The following COBLL1 variants were observed in gnomAD, a reference collection of about 807,000 sequenced individuals.
The protein encoded by COBLL1 is cordon-bleu WH2 repeat protein like 1.
In COBLL1, 50 loss-of-function variants were observed where a neutral mutation model predicts 94.8. The ratio of observed to expected loss-of-function variants is 0.53; its 90% CI spans 0.42 to 0.67. The LOEUF is 0.67. Ranked by LOEUF, COBLL1 falls within the 30% of genes least tolerant of loss-of-function variation. The pLI is 0.00. For missense variants in COBLL1, 1,362 were observed against 1,348.7 expected, an observed-to-expected ratio of 1.01 and a Z score of -0.15; for synonymous variants, 448 against 473.8, an observed-to-expected ratio of 0.95 and a Z score of 0.71.
chr2:164,842,039 C>A (rs1312452429), upstream of COBLL1: 2 of 1,533,384 alleles, frequency 1.3e-6, no homozygotes, highest in South Asian at 2.4e-5. Context: ...ACCAGCTCGG[C>A]GGCATTGGAG....
intron 1 of COBLL1, among the ~76,000 whole-genome samples, chr2:164,666,810 C>T (rs1474623026): frequency 1.3e-5 from 2 of 152,214 alleles, no homozygotes; most frequent in Admixed American, 6.5e-5. Context: ...GGCTCCACTT[C>T]TAATTCTAGC....
At chr2:164,709,207 T>C (rs1213941496) in intron 7 of COBLL1, among the ~76,000 whole-genome samples, 1 of 152,212 alleles carries the variant, frequency 6.6e-6, no homozygotes, top group Admixed American at 6.5e-5. Context: ...AACAGACATA[T>C]TTCAGTTTTA....
chr2:164,724,862 A>G (rs1298219894), intron 5 of COBLL1: 1 of 151,980 alleles, frequency 6.6e-6, no homozygotes, highest in Non-Finnish European at 1.5e-5. Context: ...AAGGAAAACT[A>G]TTTTACAAAG....
chr2:164,817,554 C>T (rs1248475827), intron 2 of COBLL1, among the ~76,000 whole-genome samples: 1 of 152,134 alleles, frequency 6.6e-6, no homozygotes, highest in Admixed American at 6.5e-5. Flanking sequence ...TCCTCAATCT[C>T]CAACATTTAT....
chr2:164,717,720 ATTTAT>A (rs1018837107), intron 7 of COBLL1, among the ~76,000 whole-genome samples: 2 of 151,978 alleles, frequency 1.3e-5, no homozygotes, highest in African/African-American at 4.8e-5. Context: ...TGCCTGGCTG[ATTTAT>A]TTTATTTTAT....
intron 3 of COBLL1, among the ~76,000 whole-genome samples, chr2:164,739,330 G>A (rs1026004067): frequency 2.6e-5 from 4 of 152,100 alleles, no homozygotes; most frequent in South Asian, 4.2e-4. Flanking sequence ...AAACAAGTGC[G>A]TTCTTCTGAA....
intron 12 of COBLL1, among the ~76,000 whole-genome samples, chr2:164,693,763 A>G (rs1683741935): frequency 6.6e-6 from 1 of 152,168 alleles, no homozygotes; most frequent in African/African-American, 2.4e-5. Flanking sequence ...TTTATATGTG[A>G]AAATGTACAA....
chr2:164,742,516 G>A (rs548860371), intron 3 of COBLL1, among the ~76,000 whole-genome samples: 16 of 152,042 alleles, frequency 1.1e-4, no homozygotes, highest in African/African-American at 3.6e-4. Context: ...TCACACATAC[G>A]AGGCCATCCA....
At chr2:164,667,485 G>C (rs564052884) in intron 1 of COBLL1, among the ~76,000 whole-genome samples, 1 of 152,188 alleles carries the variant, frequency 6.6e-6, no homozygotes, top group Non-Finnish European at 1.5e-5. Context: ...TCTTCCAAGA[G>C]AAGGCTGTTT....
At chr2:164,775,689 A>G (rs2105261990) in intron 2 of COBLL1, among the ~76,000 whole-genome samples, 1 of 152,206 alleles carries the variant, frequency 6.6e-6, no homozygotes, top group Admixed American at 6.5e-5. Flanking sequence ...CCTGACCTCA[A>G]GTGATCTGCC....
At position 164,739,500 on chromosome 2, in the gene COBLL1, T is replaced by C. The variant is rs557963049; in HGVS notation, c.230+4187A>G. ...CTGAGGCATATAAGTTTCTGAAATC[T>C]GTACTTCCGTCAAACATTGATAGTA... is the stretch of plus-strand genomic sequence containing the variant. On this transcript the variant is annotated intron_variant, in intron 3 of 13. Coordinates refer to ENST00000652658, the MANE Select transcript of COBLL1 (RefSeq NM_001365672.2). 8.5e-5 allele frequency among the ~76,000 whole-genome samples: 13 copies of C among 152,364 alleles called. No individual in the cohort carries two copies. In the South Asian group the frequency reaches 2.7e-3, roughly 32 times the overall value.
rs1684129226 is a variant in COBLL1 at position 164,699,457 on chromosome 2, C to A, written c.1503G>T (p.Lys501Asn). The part of the protein sequence containing the change: ...SVVYDTSNGK[K>N]VVDSIRNLKS... ...TCAAGTTTCTTATACTGTCAACTAC[C>A]TTCTTTCCATTGCTTGTATCATATA... The change falls in exon 11 of 14, where the codon AAG becomes AAT. Residue 501 changes from lysine (K) to asparagine (N), a missense_variant. Transcript: ENST00000652658. The A allele has an allele frequency of 6.2e-7, 1 of 1,612,370 alleles. No individual in the cohort carries two copies. Among genetic ancestry groups the A allele is most frequent in the African/African-American group, 1.3e-5 (1 of 74,856 alleles).
At chr2:164,722,003 G>A in intron 7 of COBLL1, 72 bp downstream of exon 7, 1 of 1,147,926 alleles carries the variant, frequency 8.7e-7, no homozygotes, top group South Asian at 1.5e-5. Flanking sequence ...TAGAAAAGAT[G>A]TTAGGTAAGA....
chr2:164,735,002 C>T (rs1287199035), intron 3 of COBLL1, among the ~76,000 whole-genome samples: 1 of 152,138 alleles, frequency 6.6e-6, no homozygotes, highest in Non-Finnish European at 1.5e-5. Flanking sequence ...TTATAAAGGG[C>T]ATTGAACCTT....
intron 2 of COBLL1, among the ~76,000 whole-genome samples, chr2:164,658,361 T>C (rs567063582): frequency 5.3e-4 from 81 of 152,178 alleles, no homozygotes; most frequent in African/African-American, 1.9e-3. Flanking sequence ...GAGATTTCCT[T>C]GGGAGGGGTG....
At chr2:164,693,760 G>A (rs1261888027) in intron 12 of COBLL1, among the ~76,000 whole-genome samples, 2 of 152,130 alleles carry the variant, frequency 1.3e-5, no homozygotes, top group African/African-American at 4.8e-5. Context: ...GTATTTATAT[G>A]TGAAAATGTA....
At chr2:164,699,646 A>G (rs1009340046) in intron 10 of COBLL1, 147 bp from the exon 11 acceptor site, 12 of 510,074 alleles carry the variant, frequency 2.4e-5, no homozygotes, top group African/African-American at 2.3e-4. Flanking sequence ...TCTGCCAAAC[A>G]TCGGAAATTT....
chr2:164,723,887 G>A (rs372635996), intron 5 of COBLL1: 2 of 152,142 alleles, frequency 1.3e-5, no homozygotes, highest in African/African-American at 2.4e-5. Context: ...CTGAGTCCTC[G>A]GTTCAAGCGA....
chr2:164,726,781 G>A (rs542356634), intron 5 of COBLL1, among the ~76,000 whole-genome samples: 2 of 151,806 alleles, frequency 1.3e-5, no homozygotes, highest in Non-Finnish European at 2.9e-5. Flanking sequence ...ATGCTTCCTC[G>A]GTACTACCAA....
Sources: allele counts gnomAD v4.1 joint callset (sites outside exome capture counted in the v4.1 genomes callset), GRCh38; gene constraint gnomAD v4.1.1; transcripts MANE v1.5; gene names NCBI Gene and HGNC (gene_info 2026-07-23, HGNC 2026-07-21).